Variants in SMARCD3 observed in about 807,000 individuals in gnomAD.
SMARCD3 encodes SWI/SNF related BAF chromatin remodeling complex subunit D3, also known as SWI/SNF-related matrix-associated actin-dependent regulator of chromatin subfamily D member 3.
Under a neutral mutation model 58.0 loss-of-function variants are expected in SMARCD3, and 14 were observed. The ratio of observed to expected loss-of-function variants is 0.24; its 90% confidence interval spans 0.16 to 0.38. The LOEUF (loss-of-function observed/expected upper bound fraction) is 0.38, where lower values mean the gene tolerates loss of function less well. Among genes scored for constraint, SMARCD3 ranks in the 10% least tolerant of loss-of-function variants. The pLI is 1.00. For missense variants in SMARCD3, 408 were observed against 636.9 expected (o/e 0.64, Z 3.87); for synonymous variants, 253 against 253.8 (o/e 1.00, Z 0.03).
Position 151,243,832 on chromosome 7 carries a change from C to G in SMARCD3, c.291-131G>C. 1 of 759,100 alleles carries G rather than the reference C, an allele frequency of 1.3e-6. No homozygotes were observed. The highest frequency in any genetic ancestry group is 1.7e-5 in the Admixed American group (1 of 57,650). 47.0% of individuals were successfully genotyped at this position (759,100 alleles called of 1,614,324 possible). A position where few individuals can be genotyped will look rare whatever the true frequency, so the allele number is the denominator to read the frequency against. On this transcript the variant is annotated intron_variant, in intron 2 of 12. Coordinates refer to ENST00000262188, the MANE Select transcript of SMARCD3 (RefSeq NM_001003801.2). This position sits in a 1 kb window ranked among gnomAD's most constrained non-coding sequence, Gnocchi z 4.4. Reference sequence around the variant, plus strand: ...TCCCACAGCCCACTTGTCTGCCCGCCCAAGGGCTGTGACGGTGGTGTGTGG... The same window carrying G: ...TCCCACAGCCCACTTGTCTGCCCGCGCAAGGGCTGTGACGGTGGTGTGTGG...
Position 151,245,636 on chromosome 7 carries a change from G to C in SMARCD3, c.114C>G (p.His38Gln). ...CCGGGGGGCCCATGGGCGCCCCCTG[G>C]TGGGGCATCCGGGCTCCAGACGGCA... ...PGMPSGARMP[H>Q]QGAPMGPPGS... The change falls in exon 2 of 13, where the codon CAC becomes CAG. Residue 38 changes from histidine (H) to glutamine (Q), a missense_variant. Around this residue, in one of 4 missense-constraint regions of SMARCD3, gnomAD observed 84 missense variants for 81.2 expected, o/e 1.03. Transcript: ENST00000262188. The surrounding 1 kb of genome is among the most constrained non-coding windows in gnomAD (Gnocchi z 6.2). 8.4e-7 allele frequency: 1 copy of C among 1,185,502 alleles called. No homozygotes were observed. Among genetic ancestry groups the C allele is most frequent in the Non-Finnish European group, 1.1e-6 (1 of 946,244 alleles). 73.4% of individuals were successfully genotyped at this position (1,185,502 alleles called of 1,614,324 possible). A position where few individuals can be genotyped will look rare whatever the true frequency, so the allele number is the denominator to read the frequency against.
At chr7:151,255,096 T>C (rs1414563784) in intron 2 of SMARCD3, among the ~76,000 whole-genome samples, 2 of 152,038 alleles carry the variant, frequency 1.3e-5, no homozygotes, top group Non-Finnish European at 2.9e-5. Context: ...GCCCTCGGCC[T>C]TGAGGGCACC....
intron 2 of SMARCD3, among the ~76,000 whole-genome samples, chr7:151,270,068 G>A (rs1408808634): frequency 2.6e-5 from 4 of 152,186 alleles, no homozygotes; most frequent in Non-Finnish European, 5.9e-5. Flanking sequence ...CTGTGCGAAA[G>A]CTGCCTCCAA....
rs112223142 is a variant in SMARCD3 at position 151,259,601 on chromosome 7, G to GTTTTTTTTTTTTTTTT, written c.40-13946_40-13931dup. 1.8e-4 allele frequency among the ~76,000 whole-genome samples: 13 copies of GTTTTTTTTTTTTTTTT among 70,522 alleles called. 2 individuals are homozygous for GTTTTTTTTTTTTTTTT. The highest frequency in any genetic ancestry group is 4.7e-4 in the African/African-American group (8 of 17,166). 46.3% of individuals were successfully genotyped at this position (70,522 alleles called of 152,430 possible). ...TGCCAGCTGAGGTTACAACCTGAGA[G>GTTTTTTTTTTTTTTTT]TTTTTTTTTTTTTTTTTTTTTTTTT... is the stretch of plus-strand genomic sequence containing the variant. On this transcript the variant is annotated intron_variant, in intron 2 of 13. Coordinates refer to the SMARCD3 transcript ENST00000356800.
At chr7:151,274,778 C>A (rs1052184283) in intron 2 of SMARCD3, among the ~76,000 whole-genome samples, 1 of 152,176 alleles carries the variant, frequency 6.6e-6, no homozygotes, top group Non-Finnish European at 1.5e-5. Flanking sequence ...GTAGAGCATG[C>A]CAGAGCCCAG....
exon 2 of SMARCD3, chr7:151,275,227 C>A (rs1795305731): frequency 2.3e-6 from 3 of 1,295,216 alleles, no homozygotes; most frequent in East Asian, 4.7e-5. Flanking sequence ...ACCGCGCCTG[C>A]AGCACCAAGG....
chr7:151,272,671 A>G (rs1472887034), intron 2 of SMARCD3, among the ~76,000 whole-genome samples: 4 of 152,150 alleles, frequency 2.6e-5, no homozygotes, highest in Admixed American at 2.0e-4. Flanking sequence ...CAAGAAACCG[A>G]ACGCGCTATC....
At chr7:151,275,340 G>T in intron 1 of SMARCD3, 1 of 620,744 alleles carries the variant, frequency 1.6e-6, no homozygotes, top group Non-Finnish European at 2.9e-6. Context: ...CGGAGTGGAG[G>T]TCTGAGGAAG....
At chr7:151,270,727 A>T (rs1318225897) in intron 2 of SMARCD3, among the ~76,000 whole-genome samples, 2 of 152,128 alleles carry the variant, frequency 1.3e-5, no homozygotes, top group Non-Finnish European at 2.9e-5. Context: ...GCCACTAGGA[A>T]GTGGAAGGCG....
chr7:151,268,735 T>C (rs531736332), intron 2 of SMARCD3, among the ~76,000 whole-genome samples: 2 of 152,140 alleles, frequency 1.3e-5, no homozygotes, highest in Non-Finnish European at 2.9e-5. Context: ...TATAGTGTTG[T>C]GGTTAGGATA....
chr7:151,260,058 A>C (rs189760804), intron 2 of SMARCD3, among the ~76,000 whole-genome samples: 14 of 152,346 alleles, frequency 9.2e-5, no homozygotes, highest in Admixed American at 2.0e-4. Context: ...AAAGATAATG[A>C]AAATGAGGCT....
intron 2 of SMARCD3, among the ~76,000 whole-genome samples, chr7:151,257,913 C>G (rs899889360): frequency 2.6e-5 from 4 of 152,194 alleles, no homozygotes; most frequent in Admixed American, 2.6e-4. Context: ...TCTCCCAGTC[C>G]TTGGACGCAT....
intron 2 of SMARCD3, chr7:151,254,410 C>G (rs574375456): frequency 1.3e-5 from 2 of 152,378 alleles, no homozygotes; most frequent in Non-Finnish European, 2.9e-5. Flanking sequence ...CCATGTGGCC[C>G]GGGGAATGCC....
upstream of SMARCD3, among the ~76,000 whole-genome samples, chr7:151,253,619 G>GC (rs5888435): frequency 1 from 152,311 of 152,312 alleles, 76,155 homozygotes; most frequent in Middle Eastern, 1. Context: ...CATCCCGCTG[G>GC]CCACAGGGAA....
rs1004356683 is a variant in SMARCD3, at chr7:151,239,856, A to G, written c.1174-110T>C. On this transcript the variant is annotated intron_variant, in intron 10 of 12. Transcript: ENST00000262188. The surrounding 1 kb of genome is among the most constrained non-coding windows in gnomAD (Gnocchi z 7.0). ...AGAGGGGGTTTCTTCTGTGAAGGAC[A>G]ACCCCTCAGAGCCCCTGATTTCTCT... The G allele has an allele frequency of 8.3e-7, 1 of 1,204,290 alleles. No homozygotes were observed. The highest frequency in any genetic ancestry group is 1.5e-5 in the African/African-American group (1 of 67,024). 74.6% of individuals were successfully genotyped at this position (1,204,290 alleles called of 1,614,324 possible).
exon 2 of SMARCD3, chr7:151,275,223 C>T: frequency 4.5e-6 from 6 of 1,337,774 alleles, no homozygotes; most frequent in Non-Finnish European, 6.4e-6. Context: ...GCCCACCGCG[C>T]CTGCAGCACC....
chr7:151,244,174 G>C (rs1286753666), intron 2 of SMARCD3, among the ~76,000 whole-genome samples: 1 of 152,188 alleles, frequency 6.6e-6, no homozygotes, highest in Non-Finnish European at 1.5e-5. Flanking sequence ...GGGAGGTGAC[G>C]GTGTGAAGCT....
chr7:151,257,569 C>A (rs1169826030), intron 2 of SMARCD3, among the ~76,000 whole-genome samples: 1 of 152,200 alleles, frequency 6.6e-6, no homozygotes, highest in Non-Finnish European at 1.5e-5. Flanking sequence ...TTGTGATCCG[C>A]CTGCCTTGGC....
intron 2 of SMARCD3, among the ~76,000 whole-genome samples, chr7:151,272,424 G>A (rs1264778660): frequency 1.3e-5 from 2 of 152,172 alleles, no homozygotes; most frequent in African/African-American, 2.4e-5. Flanking sequence ...AGGATGAGGC[G>A]GAGCATAAGA....
Sources: allele counts gnomAD v4.1 joint callset (sites outside exome capture counted in the v4.1 genomes callset), GRCh38; gene constraint gnomAD v4.1.1; regional missense constraint gnomAD v4.1.1; non-coding constraint Gnocchi (gnomAD v3.1); transcripts MANE v1.5; gene names NCBI Gene and HGNC (gene_info 2026-07-23, HGNC 2026-07-21).